The following CNTNAP2 variants were observed in gnomAD, a reference collection of about 807,000 sequenced individuals.
CNTNAP2 encodes the protein contactin associated protein 2, also known as contactin-associated protein-like 2.
In CNTNAP2, 98 loss-of-function variants were observed where a neutral mutation model predicts 155.2. The observed-to-expected ratio is 0.63, with a 90% CI of 0.54 to 0.75. The LOEUF (loss-of-function observed/expected upper bound fraction) is 0.75, where lower values mean the gene tolerates loss of function less well. CNTNAP2 is among the 30% of genes least tolerant of loss of function. The probability of loss-of-function intolerance (pLI) is 0.00; values close to 1 mark genes in which losing one functional copy is unlikely to be tolerated. For missense variants in CNTNAP2, 1,727 were observed against 1,688.1 expected (o/e 1.02, Z -0.40); for synonymous variants, 651 against 631.2 (o/e 1.03, Z -0.47).
At chr7:146,920,235 G>A (rs1021340820) in intron 3 of CNTNAP2, among the ~76,000 whole-genome samples, 3 of 152,054 alleles carry the variant, frequency 2.0e-5, no homozygotes, top group Non-Finnish European at 4.4e-5. Flanking sequence ...GCAAGGTGGT[G>A]AAACTCCATC....
chr7:146,144,736 T>A (rs1451519373), intron 1 of CNTNAP2, among the ~76,000 whole-genome samples: 5 of 152,234 alleles, frequency 3.3e-5, no homozygotes, highest in Non-Finnish European at 7.3e-5. Flanking sequence ...ATCTCATTAT[T>A]ATTTGTTGTG....
At chr7:146,924,147 G>A (rs1044133065) in intron 3 of CNTNAP2, among the ~76,000 whole-genome samples, 6 of 152,094 alleles carry the variant, frequency 3.9e-5, no homozygotes, top group African/African-American at 1.4e-4. Context: ...CCAATAGTGG[G>A]TTCCACAGAG....
chr7:147,354,421 G>A (rs1796026148), intron 9 of CNTNAP2, among the ~76,000 whole-genome samples: 1 of 152,074 alleles, frequency 6.6e-6, no homozygotes, highest in Admixed American at 6.6e-5. Flanking sequence ...GTTTTTGTCA[G>A]GTTTGTCAAA....
chr7:146,782,001 C>A (rs1329443089), intron 2 of CNTNAP2, among the ~76,000 whole-genome samples: 3 of 152,154 alleles, frequency 2.0e-5, no homozygotes, highest in Admixed American at 2.0e-4. Flanking sequence ...CCCGAATCAG[C>A]CACAGTAGGC....
chr7:147,336,658 C>A lies in CNTNAP2; in HGVS notation c.1498+36368C>A, dbSNP rs78257667. ...ATGAAATCTTGCTAAAATTATAGAA[C>A]TAGTTAGTGGCAGAGATATGATTAG... On this transcript the variant is annotated intron_variant, in intron 9 of 23. Coordinates refer to ENST00000361727, the MANE Select transcript of CNTNAP2 (RefSeq NM_014141.6). Among the ~76,000 whole-genome samples, 1,034 of 152,110 alleles carry A rather than the reference C, an allele frequency of 6.8e-3. 11 individuals carry two copies. The highest frequency in any genetic ancestry group is 0.023 in the African/African-American group (973 of 41,500).
chr7:148,418,858 A>C lies in CNTNAP2; in HGVS notation c.*3242A>C, dbSNP rs775855499. On this transcript the variant is annotated 3_prime_UTR_variant, in exon 24 of 24. Transcript: ENST00000361727. ...TGACAAACAAGCATCCTTTACTAAC[A>C]AGAGCAGGAATTCAGAGGCACAAGA... is the stretch of plus-strand genomic sequence containing the variant. 6.6e-6 allele frequency: 1 copy of C among 152,236 alleles called. No homozygotes were observed. The highest frequency in any genetic ancestry group is 1.5e-5 in the Non-Finnish European group (1 of 68,046). The allele number at this position is 152,236 out of a possible 1,614,324, so 9.4% of individuals were successfully genotyped here.
chr7:147,229,048 T>TAG (rs1361986861), intron 8 of CNTNAP2, among the ~76,000 whole-genome samples: 8 of 136,908 alleles, frequency 5.8e-5, no homozygotes, highest in African/African-American at 1.4e-4. Flanking sequence ...TCTTTATATA[T>TAG]ATATATATAG....
At chr7:148,051,896 T>C (rs557054773) in intron 15 of CNTNAP2, among the ~76,000 whole-genome samples, 5 of 152,000 alleles carry the variant, frequency 3.3e-5, no homozygotes, top group African/African-American at 1.2e-4. Flanking sequence ...TCCCAGCAGT[T>C]TGGGAGGCCG....
intron 1 of CNTNAP2, among the ~76,000 whole-genome samples, chr7:146,494,761 C>A (rs1229647575): frequency 1.3e-5 from 2 of 152,060 alleles, no homozygotes; most frequent in African/African-American, 2.4e-5. Context: ...TTAAGTATAC[C>A]CCCTTTAAAA....
intron 2 of CNTNAP2, among the ~76,000 whole-genome samples, chr7:146,805,413 C>T (rs1018938619): frequency 1.7e-4 from 26 of 152,188 alleles, no homozygotes; most frequent in African/African-American, 6.0e-4. Flanking sequence ...ATGTGTAAAG[C>T]CTCAGGATTT....
At chr7:146,868,643 A>G (rs1463091038) in intron 3 of CNTNAP2, among the ~76,000 whole-genome samples, 1 of 152,156 alleles carries the variant, frequency 6.6e-6, no homozygotes, top group Admixed American at 6.6e-5. Flanking sequence ...CTTCCTATCC[A>G]TGAGCATGGG....
intron 1 of CNTNAP2, among the ~76,000 whole-genome samples, chr7:146,370,962 A>C (rs928295162): frequency 6.6e-6 from 1 of 152,130 alleles, no homozygotes; most frequent in Non-Finnish European, 1.5e-5. Context: ...TATTTCCTTA[A>C]TTATGTTGCA....
chr7:147,604,011 C>G (rs945390576), intron 12 of CNTNAP2, among the ~76,000 whole-genome samples: 5 of 152,120 alleles, frequency 3.3e-5, no homozygotes, highest in Admixed American at 6.6e-5. Flanking sequence ...GGAAAACTGG[C>G]TAGCCATATG....
At chr7:146,494,481 T>C (rs748910954) in intron 1 of CNTNAP2, among the ~76,000 whole-genome samples, 1 of 152,164 alleles carries the variant, frequency 6.6e-6, no homozygotes, top group Non-Finnish European at 1.5e-5. Context: ...TAAAGAATAT[T>C]ATCTTTAAAA....
chr7:147,186,814 A>G (rs1191910670), intron 8 of CNTNAP2, among the ~76,000 whole-genome samples: 3 of 152,150 alleles, frequency 2.0e-5, no homozygotes, highest in African/African-American at 7.2e-5. Flanking sequence ...TGAAGGAGGG[A>G]ACAGCAGTGC....
chr7:146,191,506 C>T (rs1584795093), intron 1 of CNTNAP2, among the ~76,000 whole-genome samples: 1 of 152,088 alleles, frequency 6.6e-6, no homozygotes, highest in Non-Finnish European at 1.5e-5. Context: ...AGCAGACAGC[C>T]GGTCTGAGTA....
intron 21 of CNTNAP2, among the ~76,000 whole-genome samples, chr7:148,326,802 T>G (rs111962603): frequency 0.046 from 6,892 of 151,422 alleles, 545 homozygotes; most frequent in African/African-American, 0.16. Flanking sequence ...GAGATGGAGC[T>G]TGCAGTGAGC....
At chr7:147,069,957 C>G (rs1799857505) in intron 4 of CNTNAP2, among the ~76,000 whole-genome samples, 1 of 152,148 alleles carries the variant, frequency 6.6e-6, no homozygotes, top group African/African-American at 2.4e-5. Flanking sequence ...TTAGACAACA[C>G]AGCATAGAGG....
In CNTNAP2 at chr7:146,371,876, T is replaced by C. The variant is rs148708086; in HGVS notation, c.97+254903T>C. Among the ~76,000 whole-genome samples, 104 of 151,818 alleles carry C rather than the reference T, an allele frequency of 6.9e-4. 1 individual carries two copies. The East Asian group carries it at 0.012, about 17-fold the overall frequency. ...CGTGAGGCTGAGGCGGGAGAATTGC[T>C]TGAACCTGGGATGGGGAGGTTGCAG... On this transcript the variant is annotated intron_variant, in intron 1 of 23. Transcript: ENST00000361727.
Sources: allele counts gnomAD v4.1 joint callset (sites outside exome capture counted in the v4.1 genomes callset), GRCh38; gene constraint gnomAD v4.1.1; transcripts MANE v1.5; gene names NCBI Gene and HGNC (gene_info 2026-07-23, HGNC 2026-07-21).